Variants in LRRC7 observed in about 807,000 individuals in gnomAD.
LRRC7 encodes leucine-rich repeat-containing protein 7.
LRRC7 carries 23 observed loss-of-function variants against 175.7 expected under a neutral mutation model. That is an observed-to-expected ratio of 0.13 (90% CI 0.09 to 0.19). LRRC7 has a LOEUF of 0.19. Ranked by LOEUF, LRRC7 falls within the 10% of genes least tolerant of loss-of-function variation. LRRC7 has a pLI of 1.00. For synonymous variants in LRRC7, 685 were observed against 680.9 expected (o/e 1.01, Z -0.09); for missense variants, 1,354 against 1,904.7 (o/e 0.71, Z 5.38).
chr1:69,574,585 G>T (rs952176953), intron 1 of LRRC7, among the ~76,000 whole-genome samples: 3 of 152,106 alleles, frequency 2.0e-5, no homozygotes, highest in African/African-American at 7.2e-5. Flanking sequence ...GCTAAAATAT[G>T]CCAGCTGAAC....
At chr1:69,966,049 G>T (rs985204686) in intron 8 of LRRC7, among the ~76,000 whole-genome samples, 1 of 152,146 alleles carries the variant, frequency 6.6e-6, no homozygotes, top group Non-Finnish European at 1.5e-5. Context: ...ATTAAACAAA[G>T]ATAGTAAAAT....
intron 11 of LRRC7, 145 bp downstream of exon 11, chr1:69,994,778 A>G (rs1330332855): frequency 7.8e-6 from 4 of 512,444 alleles, no homozygotes; most frequent in Non-Finnish European, 1.4e-5. Flanking sequence ...TATTTTATTT[A>G]TATATATTTG....
chr1:69,795,354 G>A (rs573584075), intron 4 of LRRC7, among the ~76,000 whole-genome samples: 3 of 145,134 alleles, frequency 2.1e-5, no homozygotes, highest in East Asian at 2.0e-4. Context: ...TAGCCTGGAC[G>A]ACAGAGCAAG....
At chr1:69,891,046 A>G (rs972391385) in intron 7 of LRRC7, among the ~76,000 whole-genome samples, 5 of 152,216 alleles carry the variant, frequency 3.3e-5, no homozygotes, top group African/African-American at 1.2e-4. Context: ...TCATTCATGT[A>G]TTCACTGAAG....
intron 14 of LRRC7, 60 bp from the exon 15 acceptor site, chr1:70,018,659 C>T (rs1392565156): frequency 1.1e-5 from 13 of 1,169,134 alleles, no homozygotes; most frequent in Non-Finnish European, 1.6e-5. Context: ...TGAGACCAGA[C>T]TATTGACTGT....
At chr1:69,798,768 A>C (rs763554840) in intron 4 of LRRC7, among the ~76,000 whole-genome samples, 5 of 152,048 alleles carry the variant, frequency 3.3e-5, no homozygotes, top group Non-Finnish European at 7.4e-5. Flanking sequence ...TGTATATATT[A>C]TTCTTCAAGT....
intron 2 of LRRC7, among the ~76,000 whole-genome samples, chr1:69,713,817 A>G (rs1428230814): frequency 6.6e-6 from 1 of 151,694 alleles, no homozygotes; most frequent in Non-Finnish European, 1.5e-5. Flanking sequence ...ATTAATACAG[A>G]CTTTTGCCCC....
intron 13 of LRRC7, among the ~76,000 whole-genome samples, chr1:70,015,738 C>T (rs1656908764): frequency 6.6e-6 from 1 of 152,142 alleles, no homozygotes; most frequent in Non-Finnish European, 1.5e-5. Flanking sequence ...AGTTATACAT[C>T]TTAGAAGTGC....
chr1:69,900,923 T>C (rs940358749), intron 7 of LRRC7, among the ~76,000 whole-genome samples: 4 of 152,198 alleles, frequency 2.6e-5, no homozygotes, highest in African/African-American at 9.7e-5. Context: ...ATTTAGCCAC[T>C]ATAAATAGTT....
intron 6 of LRRC7, among the ~76,000 whole-genome samples, chr1:69,837,572 A>G (rs1046175240): frequency 2.0e-5 from 3 of 151,804 alleles, no homozygotes; most frequent in Non-Finnish European, 2.9e-5. Flanking sequence ...ACTCTATGCT[A>G]TAGTATTTGC....
At chr1:69,644,959 T>C (rs800925) in intron 1 of LRRC7, among the ~76,000 whole-genome samples, 2,628 of 152,026 alleles carry the variant, frequency 0.017, 74 homozygotes, top group African/African-American at 0.06. Context: ...AAGTCTAGAA[T>C]AGAAAAAAAT....
intron 17 of LRRC7, among the ~76,000 whole-genome samples, chr1:70,026,882 A>T (rs1451989697): frequency 6.6e-6 from 1 of 152,192 alleles, no homozygotes; most frequent in Non-Finnish European, 1.5e-5. Context: ...AAATGTCGAG[A>T]AGAATAACAC....
At chr1:69,946,273 C>G (rs1166798689) in intron 8 of LRRC7, among the ~76,000 whole-genome samples, 11 of 152,214 alleles carry the variant, frequency 7.2e-5, no homozygotes, top group Middle Eastern at 3.4e-3. Context: ...TGGTGCATTT[C>G]AAATATTGAT....
At chr1:69,902,117 G>T (rs934515378) in intron 7 of LRRC7, among the ~76,000 whole-genome samples, 12 of 151,994 alleles carry the variant, frequency 7.9e-5, no homozygotes, top group African/African-American at 2.9e-4. Context: ...ATTACTAATT[G>T]GGAGCTTTTA....
chr1:69,988,548 A>G (rs1654145738), intron 10 of LRRC7, among the ~76,000 whole-genome samples: 1 of 152,240 alleles, frequency 6.6e-6, no homozygotes, highest in Admixed American at 6.5e-5. Flanking sequence ...CTGTAAGTTC[A>G]GTTCTTACCG....
At chr1:69,923,474 C>T (rs373612461) in intron 7 of LRRC7, among the ~76,000 whole-genome samples, 1 of 151,518 alleles carries the variant, frequency 6.6e-6, no homozygotes, top group East Asian at 1.9e-4. Context: ...TCCTCTCCAG[C>T]ACCTGTTGTT....
intron 3 of LRRC7, among the ~76,000 whole-genome samples, chr1:69,781,688 G>GAAGAAAGAAAGAAAGA (rs1553155061): frequency 2.3e-5 from 1 of 43,906 alleles, no homozygotes; most frequent in Non-Finnish European, 4.0e-5. Flanking sequence ...TCAAAAAAAA[G>GAAGAAAGAAAGAAAGA]AAGAAAGAAA....
Position 70,018,721 on chromosome 1 carries a change from C to T in LRRC7, c.1323C>T (p.Ser441=), listed in dbSNP as rs1471260113. The change falls in exon 15 of 27, where the codon TCC becomes TCT. Residue 441 remains serine, a splice_region_variant and synonymous_variant. Transcript: ENST00000651989. Reference sequence around the variant, plus strand: ...ATTTGTATGTTCTTTGCTTCTAGTCCAAAGCCCTTATCCCTTTACAAACAG... The same window carrying T: ...ATTTGTATGTTCTTTGCTTCTAGTCTAAAGCCCTTATCCCTTTACAAACAG... ...LAALWLSDNQ[S]KALIPLQTEA... 1 of 1,608,438 alleles carries T rather than the reference C, an allele frequency of 6.2e-7. No homozygotes were observed. The highest frequency in any genetic ancestry group is 1.1e-5 in the South Asian group (1 of 90,560).
intron 1 of LRRC7, among the ~76,000 whole-genome samples, chr1:69,629,552 T>C (rs539069600): frequency 1.3e-5 from 2 of 152,256 alleles, no homozygotes; most frequent in Admixed American, 6.5e-5. Flanking sequence ...TAACCTATTA[T>C]TCAAACACAC....
Sources: allele counts gnomAD v4.1 joint callset (sites outside exome capture counted in the v4.1 genomes callset), GRCh38; gene constraint gnomAD v4.1.1; transcripts MANE v1.5; gene names NCBI Gene and HGNC (gene_info 2026-07-23, HGNC 2026-07-21).